The following DENND6A variants were observed in gnomAD, a reference collection of about 807,000 sequenced individuals.
DENND6A encodes the protein protein DENND6A.
DENND6A carries 43 observed loss-of-function variants against 95.5 expected under a neutral mutation model. The observed-to-expected ratio is 0.45, with a 90% CI of 0.35 to 0.58. The LOEUF (loss-of-function observed/expected upper bound fraction) is 0.58, where lower values mean the gene tolerates loss of function less well. Ranked by LOEUF, DENND6A falls within the 20% of genes least tolerant of loss-of-function variation. The probability of loss-of-function intolerance (pLI) is 0.00; values close to 1 mark genes in which losing one functional copy is unlikely to be tolerated. For synonymous variants in DENND6A, 257 were observed against 260.4 expected, an observed-to-expected ratio of 0.99 and a Z score of 0.13; for missense variants, 574 against 736.0, an observed-to-expected ratio of 0.78 and a Z score of 2.55.
intron 4 of DENND6A, chr3:57,665,827 AC>A: frequency 3.7e-6 from 1 of 268,654 alleles, no homozygotes; most frequent in Non-Finnish European, 7.1e-6. Context: ...GTACAGTACA[AC>A]TCCACTCCCA....
intron 3 of DENND6A, among the ~76,000 whole-genome samples, chr3:57,668,615 C>T (rs923485435): frequency 6.6e-6 from 1 of 152,032 alleles, no homozygotes; most frequent in Non-Finnish European, 1.5e-5. Context: ...AAAAACCAAC[C>T]AAACAAAGCT....
intron 12 of DENND6A, among the ~76,000 whole-genome samples, chr3:57,639,144 G>A (rs1179191552): frequency 6.6e-6 from 1 of 152,034 alleles, no homozygotes; most frequent in Non-Finnish European, 1.5e-5. Flanking sequence ...TTTCACCAAA[G>A]ATATATGAAT....
intron 1 of DENND6A, among the ~76,000 whole-genome samples, chr3:57,686,235 C>A (rs1282602296): frequency 2.0e-5 from 3 of 152,164 alleles, no homozygotes; most frequent in Non-Finnish European, 4.4e-5. Context: ...TTCAAAGTTA[C>A]ATAATGGTGT....
intron 18 of DENND6A, among the ~76,000 whole-genome samples, chr3:57,630,017 C>T (rs1425926511): frequency 6.6e-6 from 1 of 152,144 alleles, no homozygotes; most frequent in Non-Finnish European, 1.5e-5. Context: ...AGTACTCCCA[C>T]TGTAGGCTAT....
chr3:57,672,338 A>C, intron 2 of DENND6A, 40 bp from the exon 3 acceptor site: 1 of 1,610,310 alleles, frequency 6.2e-7, no homozygotes, highest in East Asian at 2.2e-5. Flanking sequence ...TGACACATAC[A>C]TAATCAATAA....
chr3:57,688,495 G>A (rs555203724), intron 1 of DENND6A, among the ~76,000 whole-genome samples: 1 of 152,106 alleles, frequency 6.6e-6, no homozygotes, highest in African/African-American at 2.4e-5. Context: ...TGGGACACCT[G>A]TCCCATGCTG....
At chr3:57,655,608 C>T (rs1424515388) in intron 9 of DENND6A, among the ~76,000 whole-genome samples, 2 of 152,140 alleles carry the variant, frequency 1.3e-5, no homozygotes, top group Non-Finnish European at 2.9e-5. Context: ...TAGTTGCATG[C>T]ACAAAATCAT....
chr3:57,690,289 C>T (rs1184350092), intron 1 of DENND6A, among the ~76,000 whole-genome samples: 3 of 152,064 alleles, frequency 2.0e-5, no homozygotes, highest in African/African-American at 7.2e-5. Context: ...GCAGATCACA[C>T]TGTCAGGAGA....
At chr3:57,665,515 G>C (rs2071512543) in intron 4 of DENND6A, among the ~76,000 whole-genome samples, 1 of 152,094 alleles carries the variant, frequency 6.6e-6, no homozygotes, top group Admixed American at 6.6e-5. Flanking sequence ...AGTAGTGACA[G>C]CAAGGAGGAG....
chr3:57,648,837 C>T (rs1019086801), intron 9 of DENND6A, among the ~76,000 whole-genome samples: 1 of 152,160 alleles, frequency 6.6e-6, no homozygotes, highest in Non-Finnish European at 1.5e-5. Flanking sequence ...AAACTGGATC[C>T]TCATCTCTCA....
At chr3:57,634,491 A>T in intron 14 of DENND6A, 67 bp downstream of exon 14, 1 of 881,224 alleles carries the variant, frequency 1.1e-6, no homozygotes, top group Non-Finnish European at 1.6e-6. Context: ...TAAAGGACAT[A>T]TTGCGTAACT....
At chr3:57,662,626 G>A (rs2153415689) in intron 5 of DENND6A, among the ~76,000 whole-genome samples, 1 of 152,054 alleles carries the variant, frequency 6.6e-6, no homozygotes, top group African/African-American at 2.4e-5. Flanking sequence ...TTTATTAGTT[G>A]CAACAATATT....
At chr3:57,666,756 T>A (rs1247268375) in intron 3 of DENND6A, among the ~76,000 whole-genome samples, 1 of 152,194 alleles carries the variant, frequency 6.6e-6, no homozygotes, top group Non-Finnish European at 1.5e-5. Context: ...GTCAACAAAA[T>A]CAAGGAGTAC....
At chr3:57,635,724 T>C (rs977788686) in intron 12 of DENND6A, among the ~76,000 whole-genome samples, 2 of 152,354 alleles carry the variant, frequency 1.3e-5, no homozygotes, top group Non-Finnish European at 2.9e-5. Flanking sequence ...TAAAAAATTT[T>C]AAGAGTATGT....
chr3:57,684,648 T>G (rs12485615), intron 1 of DENND6A, among the ~76,000 whole-genome samples: 53,448 of 151,814 alleles, frequency 0.35, 9,802 homozygotes, highest in East Asian at 0.56. Flanking sequence ...GCCAGGCATG[T>G]TGGTACACAC....
chr3:57,692,732 C>G (rs746973008), intron 1 of DENND6A, 50 bp downstream of exon 1: 2 of 1,377,006 alleles, frequency 1.5e-6, no homozygotes, highest in Non-Finnish European at 1.9e-6. Flanking sequence ...TTGCTGCAGC[C>G]GCCCCGGCGC....
In DENND6A at chr3:57,685,571, G is replaced by A. The variant is rs190046346; in HGVS notation, c.237+7211C>T. ...CTCAGAAAGTTTCAGGTTTTGGAGC[G>A]TCTCAGATTTTGAATGTTTAGATTA... On this transcript the variant is annotated intron_variant, in intron 1 of 19. Transcript: ENST00000311128. Among the ~76,000 whole-genome samples, 10 of 152,144 alleles carry A rather than the reference G, an allele frequency of 6.6e-5. No individual in the cohort carries two copies. The East Asian group carries it at 1.7e-3, about 26-fold the overall frequency.
At chr3:57,666,101 T>C in intron 4 of DENND6A, 22 bp downstream of exon 4, 1 of 1,594,098 alleles carries the variant, frequency 6.3e-7, no homozygotes, top group East Asian at 2.2e-5. Context: ...CATGGACATT[T>C]TCCTATGACT....
rs1368263694 is a variant in DENND6A at position 57,627,910 on chromosome 3, A to C, written c.*304T>G. Reference sequence around the variant, plus strand: ...AAAATATCTGCAATGCCAGCACTGCAGTATGAAATCACTAATACTGATGGC... The same window carrying C: ...AAAATATCTGCAATGCCAGCACTGCCGTATGAAATCACTAATACTGATGGC... On this transcript the variant is annotated 3_prime_UTR_variant, in exon 20 of 20. Transcript: ENST00000311128. 1.8e-5 allele frequency: 4 copies of C among 224,874 alleles called. No homozygotes were observed. Among genetic ancestry groups the C allele is most frequent in the African/African-American group, 9.1e-5 (4 of 44,050 alleles). 13.9% of individuals were successfully genotyped at this position (224,874 alleles called of 1,614,324 possible). A position where few individuals can be genotyped will look rare whatever the true frequency, so the allele number is the denominator to read the frequency against.
Sources: allele counts gnomAD v4.1 joint callset (sites outside exome capture counted in the v4.1 genomes callset), GRCh38; gene constraint gnomAD v4.1.1; transcripts MANE v1.5; gene names NCBI Gene and HGNC (gene_info 2026-07-23, HGNC 2026-07-21).